Variants in MTSS1 observed in about 807,000 individuals in gnomAD.
The protein encoded by MTSS1 is MTSS I-BAR domain containing 1.
MTSS1 carries 18 observed loss-of-function variants against 79.0 expected under a neutral mutation model. That is an observed-to-expected ratio of 0.23 (90% confidence interval 0.16 to 0.34). The LOEUF (loss-of-function observed/expected upper bound fraction) is 0.34, where lower values mean the gene tolerates loss of function less well. Among genes scored for constraint, MTSS1 ranks in the 10% least tolerant of loss-of-function variants. The pLI, the probability that MTSS1 is intolerant of heterozygous loss-of-function variation, is 1.00. For missense variants in MTSS1, 815 were observed against 986.2 expected (o/e 0.83, Z 2.33); for synonymous variants, 341 against 368.6 (o/e 0.93, Z 0.86).
At chr8:124,584,583 A>G (rs1248083995) in intron 6 of MTSS1, among the ~76,000 whole-genome samples, 1 of 152,216 alleles carries the variant, frequency 6.6e-6, no homozygotes, top group Non-Finnish European at 1.5e-5. Context: ...GCTCAGTGGT[A>G]GATTATCAAG....
At position 124,555,890 on chromosome 8, in the gene MTSS1, C is replaced by T. The variant is rs1823575184; in HGVS notation, c.1419G>A (p.Met473Ile). The T allele has an allele frequency of 6.2e-7, 1 of 1,608,480 alleles. No individual in the cohort carries two copies. The highest frequency in any genetic ancestry group is 1.7e-5 in the Admixed American group (1 of 59,994). ...VSAATRPGEE[M>I]EACEELALAL... ...CCAGGGCCAGCTCCTCACAAGCCTC[C>T]ATCTCCTCACCAGGCTGCAGGTTGG... The change falls in exon 13 of 14, where the codon ATG becomes ATA. Residue 473 changes from methionine to isoleucine, a missense_variant. Transcript: ENST00000518547.
intron 10 of MTSS1, among the ~76,000 whole-genome samples, chr8:124,559,075 C>A (rs975606705): frequency 1.3e-5 from 2 of 152,206 alleles, no homozygotes; most frequent in African/African-American, 4.8e-5. Flanking sequence ...GCGACCCGGC[C>A]AGCCCTAGGT....
chr8:124,698,658 C>T (rs1246430527), intron 3 of MTSS1, among the ~76,000 whole-genome samples: 2 of 151,870 alleles, frequency 1.3e-5, no homozygotes, highest in African/African-American at 2.4e-5. Flanking sequence ...ATTACAGGCA[C>T]GTGCCACCAC....
At chr8:124,556,155 C>T in intron 12 of MTSS1, 77 bp downstream of exon 12, 3 of 1,602,296 alleles carry the variant, frequency 1.9e-6, no homozygotes, top group South Asian at 1.1e-5. Flanking sequence ...TGCCTTGGCC[C>T]CCCAGTTGCT....
intron 1 of MTSS1, among the ~76,000 whole-genome samples, chr8:124,717,165 C>A (rs1832154945): frequency 6.6e-6 from 1 of 152,140 alleles, no homozygotes; most frequent in Non-Finnish European, 1.5e-5. Flanking sequence ...ACGCCACCTC[C>A]TCTGCGAGGC....
chr8:124,567,918 C>G (rs1463783529), intron 7 of MTSS1: 2 of 1,411,734 alleles, frequency 1.4e-6, no homozygotes, highest in African/African-American at 2.9e-5. Flanking sequence ...TAAATTGATT[C>G]ATTGAGGCTC....
chr8:124,595,900 A>G (rs115988855), intron 3 of MTSS1, among the ~76,000 whole-genome samples: 2,887 of 152,304 alleles, frequency 0.019, 100 homozygotes, highest in African/African-American at 0.066. Flanking sequence ...TGGCTGCTTC[A>G]GGGATGGGAC....
chr8:124,651,208 G>A (rs1819897036), intron 3 of MTSS1, among the ~76,000 whole-genome samples: 1 of 152,138 alleles, frequency 6.6e-6, no homozygotes, highest in Non-Finnish European at 1.5e-5. Context: ...CACCTCCTAG[G>A]ATTTCAGTAT....
chr8:124,557,760 G>C lies in MTSS1; in HGVS notation c.1151C>G (p.Ser384Cys), dbSNP rs774758847. Residue 384 changes from serine (S) to cysteine (C), a missense_variant, in exon 11 of 14, where the codon TCT becomes TGT. By Grantham distance (112) the Ser-to-Cys change is moderately radical. This residue lies in a region of MTSS1 where 590 missense variants were observed against 620.8 expected (regional missense o/e 0.95). Transcript: ENST00000518547. Reference sequence around the variant, plus strand: ...ATGAGCGTAGTCTGGAAGGTGGACAGAGGTGACCCGAGGGAGCAGGCGGGA... The same window carrying C: ...ATGAGCGTAGTCTGGAAGGTGGACACAGGTGACCCGAGGGAGCAGGCGGGA... ...PASRLLPRVT[S>C]VHLPDYAHYY... 1 of 1,605,250 alleles carries C rather than the reference G, an allele frequency of 6.2e-7. No individual in the cohort carries two copies. The highest frequency in any genetic ancestry group is 1.1e-5 in the South Asian group (1 of 88,982).
chr8:124,688,393 G>T (rs1354569747), intron 3 of MTSS1, among the ~76,000 whole-genome samples: 1 of 151,844 alleles, frequency 6.6e-6, no homozygotes, highest in African/African-American at 2.4e-5. Flanking sequence ...GTGTGTATGT[G>T]TATATGTGTA....
At chr8:124,614,146 A>T (rs188762875) in intron 3 of MTSS1, among the ~76,000 whole-genome samples, 181 of 144,510 alleles carry the variant, frequency 1.3e-3, no homozygotes, top group African/African-American at 4.6e-3. Flanking sequence ...CCTGGGCGAC[A>T]GAGCAAATAC....
intron 3 of MTSS1, among the ~76,000 whole-genome samples, chr8:124,640,914 A>G (rs1191980251): frequency 6.6e-6 from 1 of 152,140 alleles, no homozygotes; most frequent in Non-Finnish European, 1.5e-5. Context: ...ACCTTAAACA[A>G]CAGGAATTTC....
chr8:124,699,889 G>A (rs1343706456), intron 2 of MTSS1, among the ~76,000 whole-genome samples: 1 of 152,156 alleles, frequency 6.6e-6, no homozygotes, highest in Non-Finnish European at 1.5e-5. Context: ...GCTCACGCCT[G>A]TATTCCTGGC....
rs118124311 is a variant in MTSS1 at position 124,682,219 on chromosome 8, G to A, written c.208+17307C>T. On this transcript the variant is annotated intron_variant, in intron 3 of 13. Transcript: ENST00000518547. ...CATTTTACGCTAAAGCCATTTTGGG[G>A]GTTGTCTTTAAGTGAAGTCAGAGCA... Among the ~76,000 whole-genome samples the A allele has an allele frequency of 6.4e-3, 812 of 126,602 alleles. 5 individuals carry two copies. Among genetic ancestry groups the A allele is most frequent in the Middle Eastern group, 0.014 (4 of 280 alleles). 83.1% of individuals were successfully genotyped at this position (126,602 alleles called of 152,430 possible). A position where few individuals can be genotyped will look rare whatever the true frequency, so the allele number is the denominator to read the frequency against.
At chr8:124,596,738 C>T (rs1401553018) in intron 3 of MTSS1, among the ~76,000 whole-genome samples, 6 of 152,122 alleles carry the variant, frequency 3.9e-5, no homozygotes. Context: ...AGGGAGAGTC[C>T]TTCCTTGCCT....
intron 3 of MTSS1, among the ~76,000 whole-genome samples, chr8:124,633,614 T>C (rs1393691446): frequency 6.6e-6 from 1 of 151,830 alleles, no homozygotes; most frequent in East Asian, 1.9e-4. Context: ...CTACTAAAAA[T>C]ACAAAATTAT....
At chr8:124,598,319 G>C (rs1242760802) in intron 3 of MTSS1, among the ~76,000 whole-genome samples, 1 of 152,118 alleles carries the variant, frequency 6.6e-6, no homozygotes. Context: ...AAAAAGGAAT[G>C]ATCATTTTTT....
chr8:124,648,265 T>C (rs1167189523), intron 3 of MTSS1, among the ~76,000 whole-genome samples: 1 of 152,174 alleles, frequency 6.6e-6, no homozygotes, highest in Non-Finnish European at 1.5e-5. Context: ...TTGTTGTTAC[T>C]ATTACCTAGT....
At chr8:124,609,267 T>C (rs896069871) in intron 3 of MTSS1, among the ~76,000 whole-genome samples, 1 of 151,846 alleles carries the variant, frequency 6.6e-6, no homozygotes, top group Non-Finnish European at 1.5e-5. Context: ...CGCCTTAGTG[T>C]CCCATCCCAA....
Sources: gnomAD v4.1 joint callset for allele counts (sites outside exome capture counted in the v4.1 genomes callset) on GRCh38, gnomAD v4.1.1 for gene constraint, gnomAD v4.1.1 regional missense constraint, MANE v1.5 for transcripts, NCBI Gene and HGNC (gene_info 2026-07-23, HGNC 2026-07-21) for gene names.